Variants in TEX2 observed in about 807,000 individuals in gnomAD.
TEX2 encodes testis-expressed protein 2.
A neutral mutation model predicts 106.9 loss-of-function variants in TEX2; 53 were observed. That is an observed-to-expected ratio of 0.50 (90% CI 0.40 to 0.62). TEX2 has a LOEUF of 0.62. Ranked by LOEUF, TEX2 falls within the 20% of genes least tolerant of loss-of-function variation. The pLI, the probability that TEX2 is intolerant of heterozygous loss-of-function variation, is 0.00. For synonymous variants in TEX2, 523 were observed against 534.8 expected (o/e 0.98, Z 0.30); for missense variants, 1,207 against 1,379.0 (o/e 0.88, Z 1.98).
At chr17:64,154,484 A>G (rs1262808716) in intron 9 of TEX2, among the ~76,000 whole-genome samples, 2 of 152,222 alleles carry the variant, frequency 1.3e-5, no homozygotes, top group Non-Finnish European at 2.9e-5. Flanking sequence ...CAACAGAAGC[A>G]AATGCACTCC....
rs1336467075 is a variant in TEX2, at chr17:64,153,874, T to C, written c.2931-720A>G. On this transcript the variant is annotated intron_variant, in intron 9 of 11. Coordinates refer to ENST00000584379, the MANE Select transcript of TEX2 (RefSeq NM_001288732.2). The surrounding 1 kb of genome is among the most constrained non-coding windows in gnomAD (Gnocchi z 4.1). ...TTGAGCCCAGGAGGTTGAGGCTGCA[T>C]TGAGCTATGATCGTGCCACTGCACT... 2.0e-5 allele frequency among the ~76,000 whole-genome samples: 3 copies of C among 152,192 alleles called. No homozygotes were observed. The highest frequency in any genetic ancestry group is 2.1e-4 in the South Asian group (1 of 4,816).
At chr17:64,228,202 A>T (rs1452345310) in intron 1 of TEX2, among the ~76,000 whole-genome samples, 1 of 152,206 alleles carries the variant, frequency 6.6e-6, no homozygotes, top group African/African-American at 2.4e-5. Context: ...AAACTTCAAA[A>T]ACAGATGTAG....
chr17:64,191,448 G>A (rs573626770), intron 4 of TEX2, among the ~76,000 whole-genome samples: 1 of 152,270 alleles, frequency 6.6e-6, no homozygotes, highest in African/African-American at 2.4e-5. Flanking sequence ...TAGACCAGTA[G>A]ACCTTTATAT....
intron 1 of TEX2, among the ~76,000 whole-genome samples, chr17:64,245,323 T>C (rs782370587): frequency 1.3e-5 from 2 of 152,224 alleles, no homozygotes; most frequent in Non-Finnish European, 2.9e-5. Context: ...CCCATTATCC[T>C]AATTGAAATC....
chr17:64,235,352 C>G (rs1291649102), intron 1 of TEX2, among the ~76,000 whole-genome samples: 4 of 152,230 alleles, frequency 2.6e-5, no homozygotes, highest in Non-Finnish European at 5.9e-5. Flanking sequence ...ACAAACCAAT[C>G]TGGAGCCAAC....
chr17:64,168,959 C>T (rs976033236), intron 7 of TEX2, among the ~76,000 whole-genome samples: 1 of 142,416 alleles, frequency 7.0e-6, no homozygotes, highest in East Asian at 2.2e-4. Flanking sequence ...CTCAGACTCC[C>T]GAGTAGCTGG....
chr17:64,189,995 AAAAGAAAG>A (rs57599304), intron 4 of TEX2, among the ~76,000 whole-genome samples: 16 of 150,236 alleles, frequency 1.1e-4, no homozygotes, highest in Non-Finnish European at 1.8e-4. Context: ...AAAAAAAAAA[AAAAGAAAG>A]AAAGAAAGAA....
intron 2 of TEX2, among the ~76,000 whole-genome samples, chr17:64,212,148 G>A (rs1476379953): frequency 2.0e-5 from 3 of 152,150 alleles, no homozygotes; most frequent in African/African-American, 7.2e-5. Context: ...ACCAGCAGGG[G>A]CCAACAGCTG....
At chr17:64,211,693 T>A (rs2033004858) in intron 2 of TEX2, among the ~76,000 whole-genome samples, 2 of 151,544 alleles carry the variant, frequency 1.3e-5, no homozygotes, top group African/African-American at 4.9e-5. Context: ...ATTCATCGAT[T>A]TTGGTATCCT....
chr17:64,259,900 CA>C (rs1432966439), intron 1 of TEX2, among the ~76,000 whole-genome samples: 1 of 152,212 alleles, frequency 6.6e-6, no homozygotes, highest in Non-Finnish European at 1.5e-5. Flanking sequence ...CCATACATTA[CA>C]AGATGCTTTT....
intron 10 of TEX2, among the ~76,000 whole-genome samples, chr17:64,152,317 C>T (rs1015049459): frequency 1.3e-5 from 2 of 152,192 alleles, no homozygotes; most frequent in African/African-American, 2.4e-5. Flanking sequence ...TCATCACCCC[C>T]GACCCCTGAA....
At chr17:64,171,317 T>C (rs769128426) in intron 6 of TEX2, 118 bp from the exon 7 acceptor site, 19 of 785,488 alleles carry the variant, frequency 2.4e-5, no homozygotes, top group Non-Finnish European at 4.1e-5. Context: ...ATATCATTTA[T>C]GTAACGAAAA....
chr17:64,169,294 C>T (rs4968696), intron 7 of TEX2, among the ~76,000 whole-genome samples: 108,342 of 152,094 alleles, frequency 0.71, 38,696 homozygotes, highest in East Asian at 0.83. Flanking sequence ...CTGCCTTGGC[C>T]TTTAAAAGTG....
chr17:64,201,540 G>C lies in TEX2; in HGVS notation c.1645-6445C>G, dbSNP rs376059832. On this transcript the variant is annotated intron_variant, in intron 2 of 11. Coordinates refer to ENST00000584379, the MANE Select transcript of TEX2 (RefSeq NM_001288732.2). ...TTTACAGGTAAGAAAAGTGGTGAGA[G>C]AGGGGATGTGATTTGCCTTCCAATG... Among the ~76,000 whole-genome samples the C allele has an allele frequency of 2.6e-5, 4 of 152,280 alleles. 1 individual carries two copies. In the East Asian group the frequency reaches 7.7e-4, roughly 29 times the overall value.
intron 7 of TEX2, among the ~76,000 whole-genome samples, chr17:64,162,683 A>G (rs1405243414): frequency 6.6e-6 from 1 of 152,194 alleles, no homozygotes; most frequent in Non-Finnish European, 1.5e-5. Flanking sequence ...CGTCCCTGCC[A>G]GGAGCTGGGA....
At chr17:64,223,778 C>T (rs1368651308) in intron 1 of TEX2, among the ~76,000 whole-genome samples, 4 of 145,540 alleles carry the variant, frequency 2.7e-5, no homozygotes, top group African/African-American at 7.6e-5. Context: ...AGCAATGGCA[C>T]GATCTAGGCT....
intron 1 of TEX2, among the ~76,000 whole-genome samples, chr17:64,240,860 T>G (rs549429677): frequency 6.6e-6 from 1 of 152,304 alleles, no homozygotes; most frequent in South Asian, 2.1e-4. Flanking sequence ...TGATTATTAA[T>G]GTACTCTGGG....
rs189765134 is a variant in TEX2 at position 64,165,514 on chromosome 17, C to A, written c.2672-4581G>T. On this transcript the variant is annotated intron_variant, in intron 7 of 11. Coordinates refer to ENST00000584379, the MANE Select transcript of TEX2 (RefSeq NM_001288732.2). The stretch of plus-strand genomic sequence containing the variant: ...GTCAGAGCCACTCCTATCAGCCCCA[C>A]GTGCTAGAGTATGGCCCTGCCTTGG... Among the ~76,000 whole-genome samples the A allele has an allele frequency of 2.4e-3, 362 of 152,360 alleles. 2 individuals are homozygous for A. Among genetic ancestry groups the A allele is most frequent in the African/African-American group, 8.0e-3 (331 of 41,588 alleles).
rs989182673 is a variant in TEX2, at chr17:64,185,578, G to A, written c.2424+2590C>T. ...TCTAATTCAAATTTTCAGCACCACTGCACTCCAGTCTGGGCGACAGAGTGA... is the reference window on the plus strand; with the variant it reads ...TCTAATTCAAATTTTCAGCACCACTACACTCCAGTCTGGGCGACAGAGTGA... On this transcript the variant is annotated intron_variant, in intron 5 of 11. Coordinates refer to ENST00000584379, the MANE Select transcript of TEX2 (RefSeq NM_001288732.2). This position sits in a 1 kb window ranked among gnomAD's most constrained non-coding sequence, Gnocchi z 4.0. 9.9e-5 allele frequency among the ~76,000 whole-genome samples: 15 copies of A among 151,970 alleles called. No individual in the cohort carries two copies. The highest frequency in any genetic ancestry group is 7.9e-4 in the Admixed American group (12 of 15,238).
Sources: gnomAD v4.1 joint callset for allele counts (sites outside exome capture counted in the v4.1 genomes callset) on GRCh38, gnomAD v4.1.1 for gene constraint, Gnocchi (gnomAD v3.1) non-coding constraint, MANE v1.5 for transcripts, NCBI Gene and HGNC (gene_info 2026-07-23, HGNC 2026-07-21) for gene names.